SLC8A3: variants seen among roughly 807,000 people sequenced by gnomAD.
SLC8A3 encodes the protein sodium/calcium exchanger 3.
A neutral mutation model predicts 65.4 loss-of-function variants in SLC8A3; 37 were observed. The ratio of observed to expected loss-of-function variants is 0.57; its 90% CI spans 0.44 to 0.74. The LOEUF (loss-of-function observed/expected upper bound fraction) is 0.74, where lower values mean the gene tolerates loss of function less well. Ranked by LOEUF, SLC8A3 falls within the 30% of genes least tolerant of loss-of-function variation. The pLI, the probability that SLC8A3 is intolerant of heterozygous loss-of-function variation, is 0.00. For synonymous variants in SLC8A3, 461 were observed against 444.5 expected, an observed-to-expected ratio of 1.04 and a Z score of -0.47; for missense variants, 1,112 against 1,172.1, an observed-to-expected ratio of 0.95 and a Z score of 0.75.
intron 2 of SLC8A3, among the ~76,000 whole-genome samples, chr14:70,136,042 AAATAAATAAATG>A (rs1212969604): frequency 1.3e-5 from 2 of 152,188 alleles, no homozygotes; most frequent in Non-Finnish European, 2.9e-5. Flanking sequence ...TTTATCAATG[AAATAAATAAATG>A]AATAAATAAA....
chr14:70,119,552 A>C (rs575264479), intron 2 of SLC8A3, among the ~76,000 whole-genome samples: 4 of 152,048 alleles, frequency 2.6e-5, no homozygotes, highest in African/African-American at 9.6e-5. Flanking sequence ...ATCCAGAGGG[A>C]GGAAAGTAAT....
chr14:70,048,426 C>T (rs1010972315), intron 6 of SLC8A3: 1 of 580,462 alleles, frequency 1.7e-6, no homozygotes, highest in Non-Finnish European at 3.1e-6. Flanking sequence ...CTTACTTGGG[C>T]ATGTAGCTTA....
intron 2 of SLC8A3, among the ~76,000 whole-genome samples, chr14:70,076,264 T>C (rs1422168998): frequency 6.6e-6 from 1 of 152,198 alleles, no homozygotes; most frequent in Non-Finnish European, 1.5e-5. Flanking sequence ...CCGGTCTGCT[T>C]GGCCCTCCAG....
chr14:70,162,904 T>C (rs1167912620), intron 2 of SLC8A3, among the ~76,000 whole-genome samples: 1 of 152,190 alleles, frequency 6.6e-6, no homozygotes, highest in East Asian at 1.9e-4. Context: ...TGAAGGTTAA[T>C]TTAGAATCCT....
At chr14:70,109,470 TA>T (rs1893129517) in intron 2 of SLC8A3, among the ~76,000 whole-genome samples, 4 of 146,486 alleles carry the variant, frequency 2.7e-5, no homozygotes, top group African/African-American at 9.8e-5. Context: ...TATATATATA[TA>T]TAAAACAGAG....
At chr14:70,180,917 G>A (rs1475040761) in intron 1 of SLC8A3, among the ~76,000 whole-genome samples, 1 of 152,212 alleles carries the variant, frequency 6.6e-6, no homozygotes, top group Non-Finnish European at 1.5e-5. Context: ...GACTGGCCAA[G>A]TTGATCTCTA....
At chr14:70,051,318 G>A (rs1393570360) in intron 4 of SLC8A3, among the ~76,000 whole-genome samples, 2 of 152,072 alleles carry the variant, frequency 1.3e-5, no homozygotes. Flanking sequence ...TTTGAGACAG[G>A]GTCTCACTTT....
chr14:70,081,082 C>G, intron 2 of SLC8A3, among the ~76,000 whole-genome samples: 1 of 152,154 alleles, frequency 6.6e-6, no homozygotes, highest in East Asian at 1.9e-4. Context: ...AAGATGAAAG[C>G]CTTTGGTGAA....
At chr14:70,124,176 A>G (rs543475511) in intron 2 of SLC8A3, among the ~76,000 whole-genome samples, 2 of 152,252 alleles carry the variant, frequency 1.3e-5, no homozygotes, top group East Asian at 3.9e-4. Context: ...CAGTAGAAAA[A>G]TAGTAGAACT....
chr14:70,066,100 T>C (rs937584740), intron 2 of SLC8A3, among the ~76,000 whole-genome samples: 1 of 152,118 alleles, frequency 6.6e-6, no homozygotes, highest in Admixed American at 6.5e-5. Context: ...CAAGAGTAAC[T>C]TAGGTTAGCC....
At chr14:70,154,058 A>G (rs1594770844) in intron 2 of SLC8A3, among the ~76,000 whole-genome samples, 2 of 152,254 alleles carry the variant, frequency 1.3e-5, no homozygotes, top group East Asian at 3.8e-4. Context: ...TGAGCTGGGC[A>G]TTAAGGACTT....
chr14:70,177,704 G>A (rs1178652861), intron 1 of SLC8A3, among the ~76,000 whole-genome samples: 2 of 152,230 alleles, frequency 1.3e-5, no homozygotes, highest in Non-Finnish European at 1.5e-5. Context: ...GGAGATAAGT[G>A]AGGAATCGCT....
At chr14:70,145,532 C>G (rs574833321) in intron 2 of SLC8A3, among the ~76,000 whole-genome samples, 1 of 152,288 alleles carries the variant, frequency 6.6e-6, no homozygotes, top group South Asian at 2.1e-4. Flanking sequence ...AGATGCTGCC[C>G]TGTTGTATCA....
intron 2 of SLC8A3, among the ~76,000 whole-genome samples, chr14:70,095,706 T>C (rs576327163): frequency 1.3e-5 from 2 of 152,072 alleles, no homozygotes; most frequent in Non-Finnish European, 2.9e-5. Context: ...GATGCAACAA[T>C]GAAAAATCAT....
chr14:70,076,593 CT>C (rs752595299), intron 2 of SLC8A3, among the ~76,000 whole-genome samples: 47 of 152,176 alleles, frequency 3.1e-4, no homozygotes, highest in Non-Finnish European at 5.0e-4. Flanking sequence ...GTCTCCCTGA[CT>C]CTATTCTTGC....
At chr14:70,145,003 G>A (rs1171708393) in intron 2 of SLC8A3, among the ~76,000 whole-genome samples, 1 of 152,150 alleles carries the variant, frequency 6.6e-6, no homozygotes, top group Non-Finnish European at 1.5e-5. Context: ...CACAGTTCTG[G>A]TACCTGTAAG....
rs184986506 is a variant in SLC8A3, at chr14:70,134,984, A to G, written c.1784+31655T>C. ...GACCTCTCTAATCGTATATAACTGGAGTCCTCATAAGAAGATGGCTGTGTA... is the reference window on the plus strand; with the variant it reads ...GACCTCTCTAATCGTATATAACTGGGGTCCTCATAAGAAGATGGCTGTGTA... On this transcript the variant is annotated intron_variant, in intron 2 of 6. Coordinates refer to ENST00000356921, the MANE Select transcript of SLC8A3 (RefSeq NM_182932.3). 6.6e-5 allele frequency among the ~76,000 whole-genome samples: 10 copies of G among 152,338 alleles called. No homozygotes were observed. The East Asian group carries it at 1.9e-3, about 29-fold the overall frequency.
chr14:70,144,088 T>C (rs1895744487), intron 2 of SLC8A3, among the ~76,000 whole-genome samples: 2 of 152,132 alleles, frequency 1.3e-5, no homozygotes, highest in Admixed American at 1.3e-4. Context: ...ACTGGGGCTG[T>C]GTCTGACTCT....
At chr14:70,100,454 TA>T (rs1555374887) in intron 2 of SLC8A3, among the ~76,000 whole-genome samples, 1 of 152,188 alleles carries the variant, frequency 6.6e-6, no homozygotes, top group Non-Finnish European at 1.5e-5. Context: ...ATTGGTTTTT[TA>T]AAAAAGAGGT....
Sources: gnomAD v4.1 joint callset for allele counts (sites outside exome capture counted in the v4.1 genomes callset) on GRCh38, gnomAD v4.1.1 for gene constraint, MANE v1.5 for transcripts, NCBI Gene and HGNC (gene_info 2026-07-23, HGNC 2026-07-21) for gene names.